The following SP140 variants were observed in gnomAD, a reference collection of about 807,000 sequenced individuals.
SP140 encodes nuclear body protein SP140.
A neutral mutation model predicts 125.0 loss-of-function variants in SP140; 81 were observed. The ratio of observed to expected loss-of-function variants is 0.65; its 90% CI spans 0.54 to 0.78. The LOEUF (loss-of-function observed/expected upper bound fraction) is 0.78. SP140 is among the 30% of genes least tolerant of loss of function. SP140 has a pLI of 0.00. For missense variants in SP140, 858 were observed against 1,037.0 expected (o/e 0.83, Z 2.37); for synonymous variants, 312 against 354.0 (o/e 0.88, Z 1.33).
chr2:230,216,196 GA>G (rs1453654059), intron 3 of SP140, among the ~76,000 whole-genome samples: 3 of 152,158 alleles, frequency 2.0e-5, no homozygotes, highest in Admixed American at 1.3e-4. Flanking sequence ...TCTCAGCCAA[GA>G]TATATCCATC....
At chr2:230,290,965 G>T (rs1415347493) in intron 19 of SP140, among the ~76,000 whole-genome samples, 1 of 152,220 alleles carries the variant, frequency 6.6e-6, no homozygotes, top group African/African-American at 2.4e-5. Context: ...GGATCAGAAA[G>T]CCTGAGTTCC....
chr2:230,269,837 G>A lies in SP140; in HGVS notation c.1328G>A (p.Gly443Glu), dbSNP rs1306600809. ...TTCATGAATCACAATTTTGGCCCAG[G>A]AGCGGAGCAATCAGCATATGAAAAT... ...ASSLLYDNVPGAEQSAYENEK... is the reference protein window; with the variant it reads ...ASSLLYDNVPEAEQSAYENEK... The change falls in exon 14 of 27, where the codon GGA becomes GAA. Residue 443 changes from glycine to glutamate, a missense_variant and splice_region_variant. Gly to Glu is a moderately conservative substitution (Grantham distance 98). Coordinates refer to ENST00000392045, the MANE Select transcript of SP140 (RefSeq NM_007237.5). 1.2e-6 allele frequency: 2 copies of A among 1,612,548 alleles called. No individual in the cohort carries two copies. Among genetic ancestry groups the A allele is most frequent in the Admixed American group, 1.7e-5 (1 of 59,978 alleles).
chr2:230,301,012 G>C (rs911970925), intron 22 of SP140, among the ~76,000 whole-genome samples: 3 of 152,116 alleles, frequency 2.0e-5, no homozygotes, highest in Non-Finnish European at 4.4e-5. Context: ...AAATACACTG[G>C]CAAGTTTCAA....
At chr2:230,256,356 AGTCCAT>A (rs1237268901) in intron 12 of SP140, among the ~76,000 whole-genome samples, 2 of 151,292 alleles carry the variant, frequency 1.3e-5, no homozygotes, top group Non-Finnish European at 2.9e-5. Context: ...AAAAATGATG[AGTCCAT>A]GTCCTTTGTA....
At chr2:230,210,145 C>T in intron 1 of SP140, 3 of 742,086 alleles carry the variant, frequency 4.0e-6, no homozygotes, top group Non-Finnish European at 7.4e-6. Context: ...TAAGAATTCC[C>T]TGGCTCTGTC....
At position 230,208,041 on chromosome 2, in the gene SP140, C is replaced by G. The variant is rs754775004; in HGVS notation, c.-323+4762C>G. 18 of 1,559,326 alleles carry G rather than the reference C, an allele frequency of 1.2e-5. No individual in the cohort carries two copies. The highest frequency in any genetic ancestry group is 1.7e-4 in the Middle Eastern group (1 of 5,966). On this transcript the variant is annotated intron_variant, in intron 1 of 4. Transcript: ENST00000456542. ...TCTCCTTTTTGGAGTTGACCAGATA[C>G]ATCTTTTTCTTTTCTTTCCTAAAAA...
At chr2:230,217,033 G>T in intron 3 of SP140, 1 of 855,284 alleles carries the variant, frequency 1.2e-6, no homozygotes, top group South Asian at 1.5e-5. Flanking sequence ...ATCACCTGAG[G>T]TCAAGAGATT....
intron 7 of SP140, among the ~76,000 whole-genome samples, chr2:230,247,203 G>A (rs1320037941): frequency 3.9e-5 from 6 of 152,076 alleles, no homozygotes; most frequent in African/African-American, 2.4e-5. Flanking sequence ...ACCTGAATAC[G>A]TTCATGAAGA....
At chr2:230,190,345 A>ATT in the SP140 span, among the ~76,000 whole-genome samples, 31 of 151,316 alleles carry the variant, frequency 2.0e-4, no homozygotes, top group South Asian at 4.2e-4. Context: ...GGCTACGTAA[A>ATT]TTTTTTTTTT....
intron 1 of SP140, among the ~76,000 whole-genome samples, chr2:230,228,387 G>A (rs961347569): frequency 3.3e-5 from 5 of 152,180 alleles, no homozygotes; most frequent in African/African-American, 1.2e-4. Context: ...TACCGTATAA[G>A]TGTCAGTTAG....
At chr2:230,241,333 A>T (rs2048697541) in intron 3 of SP140, 71 bp from the exon 4 acceptor site, 1 of 948,216 alleles carries the variant, frequency 1.1e-6, no homozygotes, top group South Asian at 1.3e-5. Flanking sequence ...CATCAAGTTC[A>T]TCTTGAGCAC....
chr2:230,269,483 G>T (rs2053608155), intron 12 of SP140, 49 bp from the exon 13 acceptor site: 1 of 1,151,980 alleles, frequency 8.7e-7, no homozygotes, highest in African/African-American at 1.5e-5. Context: ...ACTCTTCTGT[G>T]GTCATTGTCT....
upstream of SP140, among the ~76,000 whole-genome samples, chr2:230,200,109 G>A (rs1281586598): frequency 2.0e-5 from 3 of 152,152 alleles, no homozygotes. Flanking sequence ...CAATATAGGA[G>A]AAACTGTTAA....
At chr2:230,287,355 CT>C (rs895442534) in intron 17 of SP140, among the ~76,000 whole-genome samples, 9 of 152,156 alleles carry the variant, frequency 5.9e-5, no homozygotes. Context: ...TATGGGACAC[CT>C]AATAGGGTTT....
intron 15 of SP140, among the ~76,000 whole-genome samples, chr2:230,284,121 A>G (rs2056029357): frequency 6.6e-6 from 1 of 152,194 alleles, no homozygotes; most frequent in African/African-American, 2.4e-5. Context: ...GTTCAAAGGA[A>G]CGTCATCTCC....
Position 230,237,066 on chromosome 2 carries a change from G to T in SP140, c.60-17G>T, listed in dbSNP as rs752945198. 10 of 1,550,854 alleles carry T rather than the reference G, an allele frequency of 6.4e-6. No homozygotes were observed. Among genetic ancestry groups the T allele is most frequent in the Non-Finnish European group, 8.7e-6 (10 of 1,151,414 alleles). ...GAAACTCAGTGTCTACTTCCACGTT[G>T]TATCTTTGTTTCTTAGGATGGTCGC... is the stretch of plus-strand genomic sequence containing the variant. On this transcript the variant is annotated splice_polypyrimidine_tract_variant and intron_variant, in intron 1 of 26. Coordinates refer to ENST00000392045, the MANE Select transcript of SP140 (RefSeq NM_007237.5). This position sits in a 1 kb window ranked among gnomAD's most constrained non-coding sequence, Gnocchi z 5.4.
At chr2:230,278,356 T>G (rs758946955) in intron 15 of SP140, among the ~76,000 whole-genome samples, 40 of 152,106 alleles carry the variant, frequency 2.6e-4, no homozygotes, top group Non-Finnish European at 5.3e-4. Flanking sequence ...GTTTTGTTTT[T>G]TTGCTATTGA....
At chr2:230,265,480 G>A (rs1052718549) in intron 12 of SP140, among the ~76,000 whole-genome samples, 1 of 152,128 alleles carries the variant, frequency 6.6e-6, no homozygotes, top group Non-Finnish European at 1.5e-5. Flanking sequence ...GTCTCACCCT[G>A]TTCAAATTGT....
chr2:230,202,924 C>A (rs1422324258), upstream of SP140: 1 of 612,074 alleles, frequency 1.6e-6, no homozygotes, highest in Non-Finnish European at 2.9e-6. Context: ...TTTGCCTCCC[C>A]AAATTACCAT....
Sources: gnomAD v4.1 joint callset for allele counts (sites outside exome capture counted in the v4.1 genomes callset) on GRCh38, gnomAD v4.1.1 for gene constraint, Gnocchi (gnomAD v3.1) non-coding constraint, MANE v1.5 for transcripts, NCBI Gene and HGNC (gene_info 2026-07-23, HGNC 2026-07-21) for gene names.